The following ATP2B1 variants were observed in gnomAD, a reference collection of about 807,000 sequenced individuals.
ATP2B1 encodes plasma membrane calcium-transporting ATPase 1.
Under a neutral mutation model 124.2 loss-of-function variants are expected in ATP2B1, and 14 were observed. The ratio of observed to expected loss-of-function variants is 0.11; its 90% CI spans 0.07 to 0.18. The LOEUF (loss-of-function observed/expected upper bound fraction) is 0.18. ATP2B1 is among the 10% of genes least tolerant of loss of function. The probability of loss-of-function intolerance (pLI) is 1.00; values close to 1 mark genes in which losing one functional copy is unlikely to be tolerated. For synonymous variants in ATP2B1, 449 were observed against 492.4 expected (o/e 0.91, Z 1.17); for missense variants, 763 against 1,466.1 (o/e 0.52, Z 7.83).
chr12:89,695,499 T>C (rs1891041481), intron 1 of ATP2B1, among the ~76,000 whole-genome samples: 1 of 152,174 alleles, frequency 6.6e-6, no homozygotes, highest in Non-Finnish European at 1.5e-5. Flanking sequence ...ATATATGATG[T>C]CACAGAAAGA....
intron 2 of ATP2B1, among the ~76,000 whole-genome samples, chr12:89,654,471 GT>G (rs1399231759): frequency 6.6e-6 from 1 of 152,178 alleles, no homozygotes; most frequent in African/African-American, 2.4e-5. Context: ...ACCTTGAAGA[GT>G]TAACAGGTCT....
intron 20 of ATP2B1, among the ~76,000 whole-genome samples, chr12:89,595,354 C>T (rs1005386020): frequency 6.6e-6 from 1 of 150,870 alleles, no homozygotes; most frequent in African/African-American, 2.4e-5. Context: ...TTTATTTATT[C>T]AGGAAAAAAA....
chr12:89,618,470 T>TA (rs934309362), intron 11 of ATP2B1, among the ~76,000 whole-genome samples: 2 of 152,030 alleles, frequency 1.3e-5, no homozygotes, highest in Non-Finnish European at 2.9e-5. Context: ...CAGTTTTGAC[T>TA]AAAAAAAATT....
chr12:89,624,109 T>G, intron 9 of ATP2B1, 74 bp downstream of exon 9: 1 of 1,303,334 alleles, frequency 7.7e-7, no homozygotes, highest in African/African-American at 1.5e-5. Context: ...AGAAAAGGAG[T>G]AACTAGATGG....
Position 89,603,827 on chromosome 12 carries a change from G to GAC in ATP2B1, c.2732_2733insGT (p.Leu912SerfsTer18). 1 of 1,614,142 alleles carries GAC rather than the reference G, an allele frequency of 6.2e-7. No individual in the cohort carries two copies. The highest frequency in any genetic ancestry group is 8.5e-7 in the Non-Finnish European group (1 of 1,179,998). ...TTCTACCATAAGGTTTCCGAAGCAA[G>GAC]AGAGACTCAGTGGGTGGTTCCGTTG... is the stretch of plus-strand genomic sequence containing the variant. On this transcript the variant is annotated frameshift_variant, in exon 17 of 21. Coordinates refer to ENST00000428670, the MANE Select transcript of ATP2B1 (RefSeq NM_001366521.1). LOFTEE classifies it high-confidence loss of function. This position sits in a 1 kb window ranked among gnomAD's most constrained non-coding sequence, Gnocchi z 4.3.
At chr12:89,607,611 G>A (rs1197439529) in intron 15 of ATP2B1, among the ~76,000 whole-genome samples, 3 of 152,268 alleles carry the variant, frequency 2.0e-5, no homozygotes, top group South Asian at 4.1e-4. Context: ...TACCATAGAT[G>A]TATTTGATTA....
chr12:89,616,897 C>G lies in ATP2B1; in HGVS notation c.1972G>C (p.Gly658Arg). 6.2e-7 allele frequency: 1 copy of G among 1,614,078 alleles called. No individual in the cohort carries two copies. The highest frequency in any genetic ancestry group is 8.5e-7 in the Non-Finnish European group (1 of 1,179,958). The change falls in exon 12 of 21, where the codon GGA (glycine) becomes CGA (arginine). Residue 658 changes from glycine to arginine, a missense_variant. Around this residue, in one of 7 missense-constraint regions of ATP2B1, gnomAD observed 392 missense variants for 776.6 expected, o/e 0.50. Coordinates refer to ENST00000428670, the MANE Select transcript of ATP2B1 (RefSeq NM_001366521.1). ...TTATCCCACTCTGGTTCTGGTTCTC[C>G]TGCTGGAAAATCTCTGAATGCAAGA... ...ICLAFRDFPAGEPEPEWDNEN... is the reference protein window; with the variant it reads ...ICLAFRDFPAREPEPEWDNEN...
chr12:89,636,111 G>C (rs1486575610), intron 3 of ATP2B1, among the ~76,000 whole-genome samples: 1 of 151,798 alleles, frequency 6.6e-6, no homozygotes, highest in East Asian at 1.9e-4. Context: ...CATGACATTT[G>C]AGCTACCAAA....
intron 1 of ATP2B1, among the ~76,000 whole-genome samples, chr12:89,694,164 G>A (rs2136765282): frequency 6.6e-6 from 1 of 152,196 alleles, no homozygotes; most frequent in South Asian, 2.1e-4. Context: ...AGAAACACTT[G>A]CACTGAATGT....
intron 2 of ATP2B1, among the ~76,000 whole-genome samples, chr12:89,655,144 C>T (rs1592880539): frequency 6.6e-6 from 1 of 152,312 alleles, no homozygotes; most frequent in East Asian, 1.9e-4. Context: ...AGACTAAAAA[C>T]TAGTTTCATT....
rs184308256 is a variant in ATP2B1, at chr12:89,631,744, G to A, written c.788-1099C>T. On this transcript the variant is annotated intron_variant, in intron 5 of 20. Transcript: ENST00000428670. ...GAACATGGATTAAATTCTATGTCCC[G>A]CAAAACAATTTTGGAAGTTGGCAGG... Among the ~76,000 whole-genome samples the A allele has an allele frequency of 8.3e-4, 126 of 151,900 alleles. 1 individual carries two copies. The highest frequency in any genetic ancestry group is 1.5e-3 in the Non-Finnish European group (100 of 67,986).
intron 1 of ATP2B1, among the ~76,000 whole-genome samples, chr12:89,698,043 G>C (rs1593009829): frequency 6.6e-6 from 1 of 152,134 alleles, no homozygotes; most frequent in African/African-American, 2.4e-5. Context: ...GCTAATTTTT[G>C]TATTTTTAGT....
intron 19 of ATP2B1, among the ~76,000 whole-genome samples, chr12:89,599,729 T>A (rs894300780): frequency 2.0e-5 from 3 of 152,266 alleles, no homozygotes; most frequent in Non-Finnish European, 2.9e-5. Flanking sequence ...ATAAAATTTT[T>A]AAAAAAATCA....
At chr12:89,687,839 A>T (rs1418898584) in intron 1 of ATP2B1, among the ~76,000 whole-genome samples, 2 of 152,066 alleles carry the variant, frequency 1.3e-5, no homozygotes, top group African/African-American at 4.8e-5. Flanking sequence ...TTTATTCAGG[A>T]ACCATTAAAA....
At chr12:89,594,224 G>C (rs988607270) in intron 20 of ATP2B1, 1 of 151,888 alleles carries the variant, frequency 6.6e-6, no homozygotes, top group Non-Finnish European at 1.5e-5. Flanking sequence ...ACATAAGAAA[G>C]CACTCTTGAT....
intron 1 of ATP2B1, among the ~76,000 whole-genome samples, chr12:89,665,125 G>A (rs974813514): frequency 3.9e-5 from 6 of 152,040 alleles, no homozygotes; most frequent in South Asian, 2.1e-4. Context: ...CACCACACCC[G>A]GCCTATTATG....
chr12:89,618,882 T>G (rs1309553998), intron 11 of ATP2B1, among the ~76,000 whole-genome samples: 1 of 152,208 alleles, frequency 6.6e-6, no homozygotes, highest in Admixed American at 6.5e-5. Flanking sequence ...ATAATCCACA[T>G]GTAAGCAAAT....
chr12:89,645,700 G>A (rs1319778033), intron 2 of ATP2B1, among the ~76,000 whole-genome samples: 1 of 152,206 alleles, frequency 6.6e-6, no homozygotes, highest in Admixed American at 6.5e-5. Flanking sequence ...CAAAGCCACT[G>A]TAGTAAAACC....
intron 2 of ATP2B1, among the ~76,000 whole-genome samples, chr12:89,648,219 C>G (rs1291001491): frequency 6.6e-6 from 1 of 152,108 alleles, no homozygotes; most frequent in Non-Finnish European, 1.5e-5. Context: ...TAGAAGAAGA[C>G]AGGGAAATGA....
Sources: allele counts gnomAD v4.1 joint callset (sites outside exome capture counted in the v4.1 genomes callset), GRCh38; gene constraint gnomAD v4.1.1; regional missense constraint gnomAD v4.1.1; non-coding constraint Gnocchi (gnomAD v3.1); transcripts MANE v1.5; gene names NCBI Gene and HGNC (gene_info 2026-07-23, HGNC 2026-07-21).